DIPK1A: variants seen among roughly 807,000 people sequenced by gnomAD.
DIPK1A encodes family with sequence similarity 69 member A.
In DIPK1A, 27 loss-of-function variants were observed where a neutral mutation model predicts 40.8. The ratio of observed to expected loss-of-function variants is 0.66; its 90% CI spans 0.49 to 0.91. DIPK1A has a LOEUF of 0.91. Among genes scored for constraint, DIPK1A ranks in the 40% least tolerant of loss-of-function variants. DIPK1A has a pLI of 0.00. For synonymous variants in DIPK1A, 166 were observed against 171.3 expected (o/e 0.97, Z 0.24); for missense variants, 412 against 505.7 (o/e 0.81, Z 1.78).
chr1:92,845,501 T>C (rs773432456), intron 4 of DIPK1A: 34 of 333,120 alleles, frequency 1.0e-4, no homozygotes, highest in Non-Finnish European at 2.2e-5. Context: ...AAACCGTGTC[T>C]ATGCTAGAAA....
chr1:92,916,359 T>C (rs1650054429), intron 1 of DIPK1A, among the ~76,000 whole-genome samples: 1 of 150,590 alleles, frequency 6.6e-6, no homozygotes. Context: ...TGGAGTGCAA[T>C]GGCTCAATCT....
chr1:92,890,129 T>C (rs1342909755), intron 1 of DIPK1A, among the ~76,000 whole-genome samples: 5 of 152,230 alleles, frequency 3.3e-5, no homozygotes, highest in African/African-American at 1.2e-4. Context: ...TCATTGTTGA[T>C]ATATAGAAAT....
chr1:92,961,016 C>A (rs1409452063), intron 1 of DIPK1A, among the ~76,000 whole-genome samples: 2 of 152,224 alleles, frequency 1.3e-5, no homozygotes, highest in South Asian at 4.1e-4. Flanking sequence ...GAGAAGGCGG[C>A]CCGTCGAGCT....
chr1:92,938,456 C>A (rs1336122741), intron 1 of DIPK1A, among the ~76,000 whole-genome samples: 2 of 133,530 alleles, frequency 1.5e-5, no homozygotes, highest in Admixed American at 8.3e-5. Flanking sequence ...GGCAACAGAG[C>A]GAGACCTTTA....
chr1:92,960,653 G>T (rs1652034766), intron 1 of DIPK1A, among the ~76,000 whole-genome samples: 1 of 152,168 alleles, frequency 6.6e-6, no homozygotes, highest in Non-Finnish European at 1.5e-5. Context: ...CACACGACAT[G>T]ACTGAGAATT....
chr1:92,944,496 C>T (rs918309184), intron 1 of DIPK1A, among the ~76,000 whole-genome samples: 1 of 152,208 alleles, frequency 6.6e-6, no homozygotes, highest in Non-Finnish European at 1.5e-5. Context: ...ATCAAACTAG[C>T]TTCTTGTCAG....
chr1:92,937,623 T>C (rs984921082), intron 1 of DIPK1A, among the ~76,000 whole-genome samples: 1 of 152,104 alleles, frequency 6.6e-6, no homozygotes, highest in Admixed American at 6.6e-5. Context: ...CAATGCTGCT[T>C]TTTAAAAAAT....
intron 2 of DIPK1A, among the ~76,000 whole-genome samples, chr1:92,867,807 T>C (rs1647631270): frequency 6.6e-6 from 1 of 152,114 alleles, no homozygotes; most frequent in Admixed American, 6.6e-5. Context: ...TGCCCGGCCG[T>C]AAACTGCTTA....
At position 92,842,222 on chromosome 1, in the gene DIPK1A, G is replaced by A; in HGVS notation, c.*1161C>T. ...TGATGAATGGGAAAAGTACCTTAAA[G>A]TAAACAAAACTGGTGCTAATCCATG... On this transcript the variant is annotated 3_prime_UTR_variant, in exon 5 of 5. Coordinates refer to ENST00000370310, the MANE Select transcript of DIPK1A (RefSeq NM_001006605.5). 1 of 997,952 alleles carries A rather than the reference G, an allele frequency of 1.0e-6. No individual in the cohort carries two copies. The highest frequency in any genetic ancestry group is 5.1e-4 in the Middle Eastern group (1 of 1,960). 61.8% of individuals were successfully genotyped at this position (997,952 alleles called of 1,614,324 possible). A position where few individuals can be genotyped will look rare whatever the true frequency, so the allele number is the denominator to read the frequency against.
intron 1 of DIPK1A, among the ~76,000 whole-genome samples, chr1:92,910,548 T>C (rs962381486): frequency 1.3e-5 from 2 of 152,136 alleles, no homozygotes; most frequent in African/African-American, 4.8e-5. Context: ...TGCCAGTGAC[T>C]AGAGTGCATC....
At chr1:92,864,522 G>T (rs775716778) in intron 2 of DIPK1A, among the ~76,000 whole-genome samples, 3 of 152,122 alleles carry the variant, frequency 2.0e-5, no homozygotes, top group Non-Finnish European at 4.4e-5. Context: ...TAAACAATAT[G>T]GTCCTGAGAA....
chr1:92,913,291 C>T (rs1030358711), intron 1 of DIPK1A, among the ~76,000 whole-genome samples: 6 of 152,006 alleles, frequency 3.9e-5, no homozygotes, highest in African/African-American at 9.7e-5. Context: ...TTGCTTCAAC[C>T]CCAGGTCAGT....
At chr1:92,938,859 A>AT (rs1487090013) in intron 1 of DIPK1A, among the ~76,000 whole-genome samples, 3 of 152,230 alleles carry the variant, frequency 2.0e-5, no homozygotes, top group African/African-American at 7.2e-5. Flanking sequence ...ATGCTAAAGC[A>AT]TATTATTCAC....
At chr1:92,933,896 C>T (rs576775402) in intron 1 of DIPK1A, 1 of 152,238 alleles carries the variant, frequency 6.6e-6, no homozygotes, top group East Asian at 1.9e-4. Flanking sequence ...GAAGATTAAT[C>T]TGGATGTTAG....
chr1:92,841,115 G>T (rs549350547), downstream of DIPK1A, among the ~76,000 whole-genome samples: 3 of 152,256 alleles, frequency 2.0e-5, no homozygotes, highest in Non-Finnish European at 4.4e-5. Flanking sequence ...TCATCATGCT[G>T]TGCAATAGAA....
intron 1 of DIPK1A, among the ~76,000 whole-genome samples, chr1:92,939,593 T>G (rs1394867108): frequency 6.6e-6 from 1 of 152,148 alleles, no homozygotes; most frequent in Non-Finnish European, 1.5e-5. Context: ...TATGCCCCCT[T>G]CCACCCAATG....
intron 2 of DIPK1A, among the ~76,000 whole-genome samples, chr1:92,869,152 C>CTAT (rs10688368): frequency 0.83 from 121,160 of 146,176 alleles, 50,558 homozygotes; most frequent in East Asian, 0.93. Flanking sequence ...AAATATTACA[C>CTAT]TATTATTATT....
intron 4 of DIPK1A, among the ~76,000 whole-genome samples, chr1:92,845,174 C>T (rs1191558494): frequency 6.6e-6 from 1 of 151,282 alleles, no homozygotes; most frequent in African/African-American, 2.4e-5. Flanking sequence ...GTCTCGATCT[C>T]CTGACCTTGT....
chr1:92,892,422 A>G (rs1557472461), intron 1 of DIPK1A, among the ~76,000 whole-genome samples: 1 of 152,158 alleles, frequency 6.6e-6, no homozygotes, highest in African/African-American at 2.4e-5. Flanking sequence ...AAACTCCAAC[A>G]GAACTGCAGC....
Sources: allele counts gnomAD v4.1 joint callset (sites outside exome capture counted in the v4.1 genomes callset), GRCh38; gene constraint gnomAD v4.1.1; transcripts MANE v1.5; gene names NCBI Gene and HGNC (gene_info 2026-07-23, HGNC 2026-07-21).